PCNP: variants seen among roughly 807,000 people sequenced by gnomAD.
PCNP encodes PEST proteolytic signal-containing nuclear protein.
PCNP carries 6 observed loss-of-function variants against 21.8 expected under a neutral mutation model. The observed-to-expected ratio is 0.28, with a 90% confidence interval of 0.15 to 0.54. The LOEUF (loss-of-function observed/expected upper bound fraction) is 0.54. PCNP is among the 20% of genes least tolerant of loss of function. The pLI is 0.95. For missense variants in PCNP, 161 were observed against 215.5 expected (o/e 0.75, Z 1.58); for synonymous variants, 67 against 73.2 (o/e 0.92, Z 0.43).
chr3:101,574,584 G>GC (rs1339425249), intron 1 of PCNP, among the ~76,000 whole-genome samples: 1 of 152,122 alleles, frequency 6.6e-6, no homozygotes, highest in Non-Finnish European at 1.5e-5. Flanking sequence ...GGGACCAGGA[G>GC]CGGCGGTGCA....
chr3:101,583,860 A>C (rs1576614307), intron 2 of PCNP, among the ~76,000 whole-genome samples: 1 of 37,980 alleles, frequency 2.6e-5, no homozygotes, highest in Non-Finnish European at 6.2e-5. Flanking sequence ...AGAGGGTTTC[A>C]CCATGTTGGC....
intron 2 of PCNP, 38 bp from the exon 3 acceptor site, chr3:101,585,399 A>G (rs1342647664): frequency 1.8e-6 from 2 of 1,130,434 alleles, no homozygotes; most frequent in South Asian, 2.6e-5. Flanking sequence ...TATAAATGTT[A>G]TCTACATGAT....
rs1402219830 is a variant in PCNP, at chr3:101,575,970, T to C, written c.64+1691T>C. The stretch of plus-strand genomic sequence containing the variant: ...AATATCCCTTAACTTCTACATAATT[T>C]GTCTCCTTGCCGTTACAAGAAAGTA... On this transcript the variant is annotated intron_variant, in intron 1 of 4. Coordinates refer to ENST00000265260, the MANE Select transcript of PCNP (RefSeq NM_020357.3). 2.6e-5 allele frequency among the ~76,000 whole-genome samples: 4 copies of C among 152,328 alleles called. No individual in the cohort carries two copies. The East Asian group carries it at 7.7e-4, about 29-fold the overall frequency.
intron 2 of PCNP, among the ~76,000 whole-genome samples, chr3:101,583,194 G>A (rs1935320088): frequency 6.6e-6 from 1 of 151,956 alleles, no homozygotes; most frequent in Non-Finnish European, 1.5e-5. Context: ...CGGTGGCTCA[G>A]GCCTCTAAGC....
intron 2 of PCNP, among the ~76,000 whole-genome samples, chr3:101,583,246 A>C (rs1330349447): frequency 6.6e-6 from 1 of 152,196 alleles, no homozygotes; most frequent in Non-Finnish European, 1.5e-5. Context: ...TCTTGAAGCC[A>C]GGAGTTCGAG....
chr3:101,592,564 C>G lies in PCNP; in HGVS notation c.411-63C>G, dbSNP rs112105462. Reference sequence around the variant, plus strand: ...CTAAACAAACATGTATTGAATGAATCAAAATCATAACCTGAAAGGCTTTAT... The same window carrying G: ...CTAAACAAACATGTATTGAATGAATGAAAATCATAACCTGAAAGGCTTTAT... On this transcript the variant is annotated intron_variant, in intron 4 of 4. Coordinates refer to ENST00000265260, the MANE Select transcript of PCNP (RefSeq NM_020357.3). The G allele has an allele frequency of 3.1e-3, 4,160 of 1,361,882 alleles. 105 individuals are homozygous for G. The African/African-American group carries it at 0.054, about 18-fold the overall frequency. The allele number at this position is 1,361,882 out of a possible 1,614,324, so 84.4% of individuals were successfully genotyped here.
intron 2 of PCNP, 85 bp downstream of exon 2, chr3:101,580,089 T>TTACCTAG: frequency 1.1e-6 from 1 of 928,496 alleles, no homozygotes; most frequent in Admixed American, 1.9e-5. Flanking sequence ...TTATGGTAAA[T>TTACCTAG]TAAGGGTGAA....
intron 2 of PCNP, among the ~76,000 whole-genome samples, chr3:101,580,984 T>C (rs547767311): frequency 8.5e-5 from 13 of 152,368 alleles, no homozygotes; most frequent in African/African-American, 3.1e-4. Flanking sequence ...AATTGCCAGA[T>C]GTGCATAGCT....
chr3:101,592,845 C>T lies in PCNP; in HGVS notation c.*92C>T, dbSNP rs535003637. ...AATGGTATAAGACTATCTTTGGAGC[C>T]GCTTTTTTTTTCTTTTTCATTTTTT... On this transcript the variant is annotated 3_prime_UTR_variant, in exon 5 of 5. Transcript: ENST00000265260. 39 of 1,132,582 alleles carry T rather than the reference C, an allele frequency of 3.4e-5. No homozygotes were observed. The Admixed American group carries it at 4.7e-4, about 14-fold the overall frequency. 70.2% of individuals were successfully genotyped at this position (1,132,582 alleles called of 1,614,324 possible).
intron 3 of PCNP, among the ~76,000 whole-genome samples, chr3:101,586,889 A>G (rs1236664063): frequency 2.6e-5 from 4 of 152,116 alleles, no homozygotes; most frequent in Admixed American, 6.6e-5. Context: ...TGTTCAGAGG[A>G]CTGGAGTGAT....
At chr3:101,581,458 G>A (rs951415155) in intron 2 of PCNP, among the ~76,000 whole-genome samples, 1 of 151,664 alleles carries the variant, frequency 6.6e-6, no homozygotes, top group Non-Finnish European at 1.5e-5. Flanking sequence ...TGGAGATGGA[G>A]TCTCTCACTC....
At chr3:101,575,478 C>CT (rs1179634132) in intron 1 of PCNP, among the ~76,000 whole-genome samples, 1,809 of 142,476 alleles carry the variant, frequency 0.013, 9 homozygotes, top group Non-Finnish European at 0.014. Context: ...CACCCCCTGT[C>CT]TTTTTTTTTT....
chr3:101,590,619 A>G (rs1023961037), intron 4 of PCNP, among the ~76,000 whole-genome samples: 2 of 151,842 alleles, frequency 1.3e-5, no homozygotes, highest in Non-Finnish European at 2.9e-5. Flanking sequence ...ATCACAGCTC[A>G]CTGCAGCCTC....
At chr3:101,576,604 T>C (rs1169061212) in intron 1 of PCNP, 2 of 1,611,138 alleles carry the variant, frequency 1.2e-6, no homozygotes, top group Admixed American at 1.7e-5. Flanking sequence ...CCGAATCTTC[T>C]TCAGTCGCTC....
intron 2 of PCNP, among the ~76,000 whole-genome samples, chr3:101,582,094 G>A (rs72931710): frequency 0.022 from 3,306 of 151,610 alleles, 114 homozygotes; most frequent in African/African-American, 0.076. Flanking sequence ...TGGGGTGGGA[G>A]GGTTATATTT....
At chr3:101,583,210 A>G (rs1174228336) in intron 2 of PCNP, among the ~76,000 whole-genome samples, 1 of 152,182 alleles carries the variant, frequency 6.6e-6, no homozygotes, top group East Asian at 1.9e-4. Flanking sequence ...TAAGCCCAGC[A>G]CTTTGGGAGG....
At chr3:101,591,773 T>G (rs1417387971) in intron 4 of PCNP, among the ~76,000 whole-genome samples, 5 of 147,474 alleles carry the variant, frequency 3.4e-5, no homozygotes, top group Admixed American at 1.3e-4. Flanking sequence ...GGTGTTTTTT[T>G]TTTTTTTTTT....
chr3:101,588,244 C>G (rs1453706690), intron 3 of PCNP, among the ~76,000 whole-genome samples: 2 of 152,076 alleles, frequency 1.3e-5, no homozygotes, highest in Non-Finnish European at 2.9e-5. Flanking sequence ...GCACTCCAGC[C>G]TGGGCAACAG....
At chr3:101,590,959 GAGAC>G (rs534787954) in intron 4 of PCNP, among the ~76,000 whole-genome samples, 111 of 150,686 alleles carry the variant, frequency 7.4e-4, no homozygotes, top group African/African-American at 2.4e-3. Flanking sequence ...TTTGTAAGTA[GAGAC>G]AGACAGGATC....
Sources: allele counts gnomAD v4.1 joint callset (sites outside exome capture counted in the v4.1 genomes callset), GRCh38; gene constraint gnomAD v4.1.1; transcripts MANE v1.5; gene names NCBI Gene and HGNC (gene_info 2026-07-23, HGNC 2026-07-21).